ANKRD62: variants seen among roughly 807,000 people sequenced by gnomAD.
ANKRD62 encodes ankyrin repeat domain 62, also known as ankyrin repeat domain-containing protein 62.
Under a neutral mutation model 98.8 loss-of-function variants are expected in ANKRD62, and 61 were observed. That is an observed-to-expected ratio of 0.62 (90% confidence interval 0.50 to 0.76). The LOEUF (loss-of-function observed/expected upper bound fraction) is 0.76, where lower values mean the gene tolerates loss of function less well. Among genes scored for constraint, ANKRD62 ranks in the 30% least tolerant of loss-of-function variants. The pLI, the probability that ANKRD62 is intolerant of heterozygous loss-of-function variation, is 0.00. For missense variants in ANKRD62, 933 were observed against 1,082.9 expected, an observed-to-expected ratio of 0.86 and a Z score of 1.94; for synonymous variants, 341 against 367.9, an observed-to-expected ratio of 0.93 and a Z score of 0.84.
At chr18:12,167,670 C>T in the ANKRD62 span, among the ~76,000 whole-genome samples, 4 of 152,142 alleles carry the variant, frequency 2.6e-5, no homozygotes, top group South Asian at 8.3e-4. Flanking sequence ...ATCACTAGGT[C>T]AAATGGTATT....
Position 12,094,023 on chromosome 18 carries a change from G to A in ANKRD62, c.6G>A (p.Glu2=). The change falls in exon 1 of 14, where the codon GAG becomes GAA. Residue 2 remains glutamate (E), a synonymous_variant. Transcript: ENST00000587848. ...AGAAGATCTCTGGCTTCAGGATGGA[G>A]GTCAGGGGGTCGTTCCTGGCGGCCT... The part of the protein sequence containing the change: M[E]VRGSFLAACR... 1 of 1,535,118 alleles carries A rather than the reference G, an allele frequency of 6.5e-7. No homozygotes were observed. Among genetic ancestry groups the A allele is most frequent in the Non-Finnish European group, 8.7e-7 (1 of 1,146,772 alleles).
chr18:12,163,037 T>C, the ANKRD62 span, among the ~76,000 whole-genome samples: 1 of 152,120 alleles, frequency 6.6e-6, no homozygotes, highest in Admixed American at 6.6e-5. Context: ...AATTGTTTTT[T>C]CTTTTACTGT....
chr18:12,139,103 T>C, the ANKRD62 span, among the ~76,000 whole-genome samples: 23 of 152,172 alleles, frequency 1.5e-4, no homozygotes, highest in Non-Finnish European at 2.9e-4. Context: ...TAGCTGGTTA[T>C]TTTGCTCGTT....
intron 5 of ANKRD62, chr18:12,098,418 T>C (rs539539128): frequency 5.9e-5 from 9 of 152,382 alleles, no homozygotes; most frequent in African/African-American, 2.2e-4. Flanking sequence ...TTTATAAAAG[T>C]AGAGCTTTGT....
the ANKRD62 span, among the ~76,000 whole-genome samples, chr18:12,152,903 G>A: frequency 6.6e-6 from 1 of 152,044 alleles, no homozygotes; most frequent in Non-Finnish European, 1.5e-5. Context: ...CCAAAGAAAA[G>A]AAAACCCCAT....
intron 11 of ANKRD62, 43 bp downstream of exon 11, chr18:12,122,559 C>T (rs1909803864): frequency 6.9e-7 from 1 of 1,445,814 alleles, no homozygotes; most frequent in African/African-American, 1.4e-5. Context: ...ACTATTTATA[C>T]TAAGGATATG....
At chr18:12,130,464 T>C (rs1909986295), downstream of ANKRD62, among the ~76,000 whole-genome samples, 1 of 152,202 alleles carries the variant, frequency 6.6e-6, no homozygotes, top group Non-Finnish European at 1.5e-5. Flanking sequence ...TTATTTTCTG[T>C]CACACTGAAA....
chr18:12,153,245 T>G, the ANKRD62 span, among the ~76,000 whole-genome samples: 1 of 152,096 alleles, frequency 6.6e-6, no homozygotes, highest in South Asian at 2.1e-4. Flanking sequence ...CCAAAGCAAT[T>G]TGTACACTCA....
Position 12,103,172 on chromosome 18 carries a change from A to G in ANKRD62, c.835A>G (p.Met279Val), listed in dbSNP as rs1568059494. Residue 279 changes from methionine (M) to valine (V), a missense_variant, in exon 7 of 14, where the codon ATG (methionine) becomes GTG (valine). Physicochemically the swap from Met to Val is conservative, Grantham distance 21 (BLOSUM62 1). This residue lies in a region of ANKRD62 where 549 missense variants were observed against 587.9 expected (regional missense o/e 0.93). Transcript: ENST00000587848. ...QNSNSEQDLE[M>V]TSEGEQERLE... ...TTTGTGAGCAGAACAAGACTTAGAAATGACATCAGAGGGAGAGCAAGAAAG... is the reference window on the plus strand; with the variant it reads ...TTTGTGAGCAGAACAAGACTTAGAAGTGACATCAGAGGGAGAGCAAGAAAG... The G allele has an allele frequency of 1.4e-6, 2 of 1,382,612 alleles. No individual in the cohort carries two copies. The highest frequency in any genetic ancestry group is 1.9e-6 in the Non-Finnish European group (2 of 1,059,030). The allele number at this position is 1,382,612 out of a possible 1,614,324, so 85.6% of individuals were successfully genotyped here.
chr18:12,102,710 A>G (rs1909330825), intron 6 of ANKRD62: 19 of 1,035,094 alleles, frequency 1.8e-5, no homozygotes, highest in Non-Finnish European at 2.2e-5. Flanking sequence ...CGGGGTGTAT[A>G]TGGATGAAGG....
chr18:12,169,742 G>A, the ANKRD62 span, among the ~76,000 whole-genome samples: 4 of 152,206 alleles, frequency 2.6e-5, no homozygotes, highest in African/African-American at 7.2e-5. Flanking sequence ...GGTAGAATTC[G>A]GCTGTGAATC....
At chr18:12,126,561 G>A (rs1477910997) in intron 13 of ANKRD62, among the ~76,000 whole-genome samples, 178 bp downstream of exon 13, 4 of 152,194 alleles carry the variant, frequency 2.6e-5, no homozygotes, top group Admixed American at 2.6e-4. Flanking sequence ...AGACCTAGGA[G>A]ATGCTTTCCT....
the ANKRD62 span, among the ~76,000 whole-genome samples, chr18:12,146,109 T>TAGCAC: frequency 1.9e-4 from 29 of 151,956 alleles, no homozygotes; most frequent in African/African-American, 5.1e-4. Context: ...GTAGAAGTGG[T>TAGCAC]AGCACAGCAC....
chr18:12,158,146 G>A, the ANKRD62 span, among the ~76,000 whole-genome samples: 8 of 152,212 alleles, frequency 5.3e-5, no homozygotes, highest in Non-Finnish European at 1.2e-4. Context: ...TCAGAGACAG[G>A]CCTAGGTCTA....
At chr18:12,140,753 C>G in the ANKRD62 span, among the ~76,000 whole-genome samples, 1 of 152,168 alleles carries the variant, frequency 6.6e-6, no homozygotes, top group Non-Finnish European at 1.5e-5. Flanking sequence ...GTCAGTCCGC[C>G]CCTAGTTGGG....
At chr18:12,169,136 G>T in the ANKRD62 span, among the ~76,000 whole-genome samples, 2 of 152,146 alleles carry the variant, frequency 1.3e-5, no homozygotes, top group East Asian at 1.9e-4. Context: ...TCTTTATCTT[G>T]CCTGATTGCC....
In ANKRD62 at chr18:12,115,045, A is replaced by AT. The variant is rs776970227; in HGVS notation, c.1065-40dup. The AT allele has an allele frequency of 7.8e-5, 104 of 1,332,360 alleles. No homozygotes were observed. The African/African-American group carries it at 1.4e-3, about 17-fold the overall frequency. The allele number at this position is 1,332,360 out of a possible 1,614,324, so 82.5% of individuals were successfully genotyped here. ...TTTAGATATTCTTTGTATTTTACAT[A>AT]TTTACTATTTGCCTGATTGGAATTT... On this transcript the variant is annotated intron_variant, in intron 8 of 13. Transcript: ENST00000587848.
chr18:12,155,060 C>A, the ANKRD62 span, among the ~76,000 whole-genome samples: 14 of 152,038 alleles, frequency 9.2e-5, no homozygotes, highest in Non-Finnish European at 4.4e-5. Context: ...TACAAGAAAC[C>A]CCTGTGACAC....
chr18:12,100,231 A>G (rs769089731), intron 6 of ANKRD62, among the ~76,000 whole-genome samples: 1 of 152,192 alleles, frequency 6.6e-6, no homozygotes, highest in African/African-American at 2.4e-5. Context: ...CATATTAGTT[A>G]TATGTATTAT....
Sources: allele counts gnomAD v4.1 joint callset (sites outside exome capture counted in the v4.1 genomes callset), GRCh38; gene constraint gnomAD v4.1.1; regional missense constraint gnomAD v4.1.1; transcripts MANE v1.5; gene names NCBI Gene and HGNC (gene_info 2026-07-23, HGNC 2026-07-21).